HSD17B12: variants seen among roughly 807,000 people sequenced by gnomAD.
HSD17B12 encodes hydroxysteroid 17-beta dehydrogenase 12.
HSD17B12 carries 32 observed loss-of-function variants against 39.3 expected under a neutral mutation model. The ratio of observed to expected loss-of-function variants is 0.81; its 90% CI spans 0.61 to 1.09. The LOEUF is 1.09. Ranked by LOEUF, HSD17B12 falls within the 50% of genes least tolerant of loss-of-function variation. The pLI is 0.00. For synonymous variants in HSD17B12, 150 were observed against 146.7 expected (o/e 1.02, Z -0.16); for missense variants, 342 against 382.9 (o/e 0.89, Z 0.89).
At chr11:43,789,965 G>C (rs1314149926) in intron 3 of HSD17B12, among the ~76,000 whole-genome samples, 1 of 152,120 alleles carries the variant, frequency 6.6e-6, no homozygotes, top group Non-Finnish European at 1.5e-5. Context: ...AAAAAAGAGA[G>C]AGAAGCGTGA....
intron 3 of HSD17B12, among the ~76,000 whole-genome samples, chr11:43,777,548 G>T (rs1950718997): frequency 6.6e-6 from 1 of 152,150 alleles, no homozygotes; most frequent in South Asian, 2.1e-4. Context: ...CATGTTGTCT[G>T]CAAACAGGGA....
intron 9 of HSD17B12, among the ~76,000 whole-genome samples, chr11:43,846,042 C>T (rs558176120): frequency 6.6e-6 from 1 of 152,204 alleles, no homozygotes; most frequent in Admixed American, 6.5e-5. Flanking sequence ...CATTGGTCAT[C>T]GGTGTGCCTT....
chr11:43,675,649 A>T, the HSD17B12 span, among the ~76,000 whole-genome samples: 1 of 152,120 alleles, frequency 6.6e-6, no homozygotes, highest in Non-Finnish European at 1.5e-5. Context: ...TGGACAACAA[A>T]CTCCAACACA....
chr11:43,561,610 G>A, the HSD17B12 span, among the ~76,000 whole-genome samples: 2 of 152,052 alleles, frequency 1.3e-5, no homozygotes, highest in African/African-American at 4.8e-5. Flanking sequence ...GACTTTGAGA[G>A]TTTTTGAGAG....
the HSD17B12 span, among the ~76,000 whole-genome samples, chr11:43,633,802 C>T: frequency 4.6e-5 from 7 of 152,036 alleles, no homozygotes; most frequent in African/African-American, 9.6e-5. Flanking sequence ...TGGCTGGGCA[C>T]GGTGGCTCAC....
the HSD17B12 span, chr11:43,576,694 T>C: frequency 6.6e-6 from 1 of 152,402 alleles, no homozygotes; most frequent in African/African-American, 2.4e-5. Flanking sequence ...GGGTTCTTTT[T>C]TGGCTGCCTT....
At chr11:43,756,523 A>G (rs1430072596) in intron 3 of HSD17B12, among the ~76,000 whole-genome samples, 1 of 152,176 alleles carries the variant, frequency 6.6e-6, no homozygotes, top group Non-Finnish European at 1.5e-5. Context: ...CTTGTATATA[A>G]TAACTCTTAA....
At chr11:43,787,099 G>C in intron 3 of HSD17B12, among the ~76,000 whole-genome samples, 1 of 152,026 alleles carries the variant, frequency 6.6e-6, no homozygotes, top group African/African-American at 2.4e-5. Context: ...GTACCACCAT[G>C]TCAGGCTAAT....
intron 3 of HSD17B12, among the ~76,000 whole-genome samples, chr11:43,768,934 A>G (rs1235598985): frequency 1.3e-5 from 2 of 152,188 alleles, no homozygotes; most frequent in Non-Finnish European, 2.9e-5. Flanking sequence ...CTAGCTAGAC[A>G]CAGACTGCTG....
chr11:43,701,087 G>T (rs190694954), intron 1 of HSD17B12, among the ~76,000 whole-genome samples: 25 of 152,290 alleles, frequency 1.6e-4, no homozygotes, highest in African/African-American at 5.5e-4. Context: ...CTGATGATCA[G>T]TGATGTTGAG....
upstream of HSD17B12, chr11:43,680,455 C>T: frequency 3.4e-6 from 1 of 292,058 alleles, no homozygotes; most frequent in Non-Finnish European, 6.6e-6. Context: ...CTCAAACCAG[C>T]CTGGGTCTGA....
intron 1 of HSD17B12, among the ~76,000 whole-genome samples, chr11:43,691,061 C>T (rs1324590101): frequency 1.3e-5 from 2 of 152,142 alleles, no homozygotes; most frequent in East Asian, 3.8e-4. Context: ...TTTAGTATGT[C>T]TAAAATTTAG....
intron 4 of HSD17B12, among the ~76,000 whole-genome samples, chr11:43,810,864 A>G (rs1420015191): frequency 1.3e-5 from 2 of 152,210 alleles, no homozygotes; most frequent in African/African-American, 4.8e-5. Context: ...CCTCACTTCA[A>G]GAATTCAAGA....
chr11:43,641,407 A>G, the HSD17B12 span, among the ~76,000 whole-genome samples: 1 of 152,034 alleles, frequency 6.6e-6, no homozygotes, highest in Non-Finnish European at 1.5e-5. Context: ...GAATTTTCAG[A>G]CATCTAAAAT....
chr11:43,850,417 G>T (rs527543423), intron 9 of HSD17B12, among the ~76,000 whole-genome samples: 3 of 152,276 alleles, frequency 2.0e-5, no homozygotes, highest in African/African-American at 7.2e-5. Context: ...TGAATTTAAT[G>T]CTCGGTAAAG....
the HSD17B12 span, among the ~76,000 whole-genome samples, chr11:43,648,028 T>C: frequency 2.6e-5 from 4 of 152,324 alleles, no homozygotes; most frequent in African/African-American, 4.8e-5. Context: ...TTAAAAGATA[T>C]TCATTTCCAT....
chr11:43,584,735 A>G, the HSD17B12 span: 1 of 152,256 alleles, frequency 6.6e-6, no homozygotes, highest in Non-Finnish European at 1.5e-5. Context: ...GGGCCTCCAC[A>G]CATACTTCCC....
chr11:43,645,081 C>G, the HSD17B12 span: 1 of 152,196 alleles, frequency 6.6e-6, no homozygotes. Flanking sequence ...AGCTGTGTTA[C>G]CTTACTCTTG....
the HSD17B12 span, among the ~76,000 whole-genome samples, chr11:43,647,299 A>G: frequency 6.6e-6 from 1 of 152,224 alleles, no homozygotes; most frequent in African/African-American, 2.4e-5. Flanking sequence ...TTTCGGAGAC[A>G]GGGTCTTACT....
Sources: allele counts gnomAD v4.1 joint callset (sites outside exome capture counted in the v4.1 genomes callset), GRCh38; gene constraint gnomAD v4.1.1; transcripts MANE v1.5; gene names NCBI Gene and HGNC (gene_info 2026-07-23, HGNC 2026-07-21).